The following TRIM5 variants were observed in gnomAD, a reference collection of about 807,000 sequenced individuals.
TRIM5 encodes the protein tripartite motif-containing protein 5.
A neutral mutation model predicts 35.6 loss-of-function variants in TRIM5; 31 were observed. The ratio of observed to expected loss-of-function variants is 0.87; its 90% confidence interval spans 0.65 to 1.18. The LOEUF (loss-of-function observed/expected upper bound fraction) is 1.18, where lower values mean the gene tolerates loss of function less well. TRIM5 is among the 50% of genes most tolerant of loss of function. TRIM5 has a pLI of 0.00. For synonymous variants in TRIM5, 243 were observed against 215.6 expected (o/e 1.13, Z -1.11); for missense variants, 609 against 591.6 (o/e 1.03, Z -0.31).
At chr11:5,641,069 C>A in the TRIM5 span, 1 of 1,454,676 alleles carries the variant, frequency 6.9e-7, no homozygotes, top group South Asian at 1.5e-5. Flanking sequence ...TAACTCACTT[C>A]TGATTTTTCC....
the TRIM5 span, chr11:5,643,489 C>T: frequency 1.2e-6 from 2 of 1,614,124 alleles, no homozygotes; most frequent in Non-Finnish European, 1.7e-6. Context: ...GAGTCTTTGT[C>T]CTCTGATCCC....
chr11:5,611,493 G>A, the TRIM5 span: 10 of 726,544 alleles, frequency 1.4e-5, 1 homozygote, highest in Non-Finnish European at 2.0e-5. Context: ...TCGCTCTGTC[G>A]CCCAGGCTGG....
chr11:5,605,509 G>C, the TRIM5 span: 1 of 1,614,174 alleles, frequency 6.2e-7, no homozygotes, highest in Admixed American at 1.7e-5. Flanking sequence ...CAGTCGCTGC[G>C]AGAGCTCATC....
chr11:5,648,520 TAAATA>T, the TRIM5 span, among the ~76,000 whole-genome samples: 1 of 151,724 alleles, frequency 6.6e-6, no homozygotes, highest in African/African-American at 2.4e-5. Context: ...AATAAATAAA[TAAATA>T]AAATAAAATA....
At chr11:5,661,238 ACCAAAGAGATCTCTTTT>A (rs951038166), downstream of TRIM5, among the ~76,000 whole-genome samples, 11 of 152,146 alleles carry the variant, frequency 7.2e-5, no homozygotes, top group African/African-American at 2.7e-4. Flanking sequence ...AAAGAAAAAA[ACCAAAGAGATCTCTTTT>A]CCAAAGAGCT....
chr11:5,647,525 G>A, the TRIM5 span, among the ~76,000 whole-genome samples: 1 of 151,994 alleles, frequency 6.6e-6, no homozygotes, highest in East Asian at 1.9e-4. Context: ...TATAGCAAAT[G>A]AGACATCATT....
the TRIM5 span, chr11:5,610,199 T>G: frequency 6.2e-7 from 1 of 1,613,918 alleles, no homozygotes; most frequent in African/African-American, 1.3e-5. Context: ...AGCTGAGAAG[T>G]ATGTTCCGAG....
the TRIM5 span, chr11:5,642,457 G>C: frequency 6.2e-7 from 1 of 1,613,772 alleles, no homozygotes; most frequent in African/African-American, 1.3e-5. Flanking sequence ...AGAAACTGAA[G>C]ACTGTATTCC....
chr11:5,646,769 T>C, the TRIM5 span, among the ~76,000 whole-genome samples: 2 of 152,158 alleles, frequency 1.3e-5, no homozygotes, highest in African/African-American at 4.8e-5. Flanking sequence ...CCCTTGACCC[T>C]AGAACCAGAC....
downstream of TRIM5, among the ~76,000 whole-genome samples, chr11:5,662,301 GAA>G (rs1850856000): frequency 6.6e-6 from 1 of 152,164 alleles, no homozygotes; most frequent in South Asian, 2.1e-4. Context: ...CAAAACTTGG[GAA>G]AGAGTTGGAA....
chr11:5,619,263 G>A, the TRIM5 span, among the ~76,000 whole-genome samples: 3 of 152,176 alleles, frequency 2.0e-5, no homozygotes, highest in Non-Finnish European at 4.4e-5. Flanking sequence ...ATATTTTGAT[G>A]TCCTCAAAAC....
At chr11:5,596,688 C>T in the TRIM5 span, 9 of 705,474 alleles carry the variant, frequency 1.3e-5, no homozygotes, top group Non-Finnish European at 1.9e-5. Context: ...GTGGGTCCGT[C>T]CGTTCAACGG....
chr11:5,610,917 C>G, the TRIM5 span: 1 of 1,614,190 alleles, frequency 6.2e-7, no homozygotes, highest in Non-Finnish European at 8.5e-7. Context: ...CCTGGGCTCC[C>G]AGCACTTCTC....
the TRIM5 span, among the ~76,000 whole-genome samples, chr11:5,637,577 T>C: frequency 6.6e-6 from 1 of 152,226 alleles, no homozygotes; most frequent in Non-Finnish European, 1.5e-5. Context: ...TACTATTATT[T>C]AAAATTTTTT....
chr11:5,610,024 T>C, the TRIM5 span: 2 of 977,886 alleles, frequency 2.0e-6, no homozygotes, highest in Non-Finnish European at 3.1e-6. Context: ...TGCAGAATGA[T>C]GCTAAGTGTA....
At chr11:5,674,527 C>T (rs1057396862) in intron 4 of TRIM5, among the ~76,000 whole-genome samples, 13 of 152,328 alleles carry the variant, frequency 8.5e-5, no homozygotes, top group Admixed American at 2.6e-4. Context: ...ACCTCAGACC[C>T]TAACACTGGG....
At chr11:5,606,417 A>C in the TRIM5 span, among the ~76,000 whole-genome samples, 1 of 152,072 alleles carries the variant, frequency 6.6e-6, no homozygotes. Context: ...GGCATGATGT[A>C]GCTTGTGATA....
the TRIM5 span, chr11:5,608,353 C>T: frequency 8.7e-6 from 14 of 1,613,044 alleles, no homozygotes; most frequent in Non-Finnish European, 6.8e-6. Context: ...TTGACTTAAC[C>T]TGTCTTTTTC....
the TRIM5 span, among the ~76,000 whole-genome samples, chr11:5,647,844 C>A: frequency 6.6e-6 from 1 of 151,986 alleles, no homozygotes; most frequent in Non-Finnish European, 1.5e-5. Flanking sequence ...AATACAAAAC[C>A]AGAGCTAGAT....
Sources: gnomAD v4.1 joint callset for allele counts (sites outside exome capture counted in the v4.1 genomes callset) on GRCh38, gnomAD v4.1.1 for gene constraint, MANE v1.5 for transcripts, NCBI Gene and HGNC (gene_info 2026-07-23, HGNC 2026-07-21) for gene names.